GABBR1: variants seen among roughly 807,000 people sequenced by gnomAD.
GABBR1 encodes gamma-aminobutyric acid type B receptor subunit 1, also known as GABA-B receptor, R1 subunit.
In GABBR1, 35 loss-of-function variants were observed where a neutral mutation model predicts 117.7. The ratio of observed to expected loss-of-function variants is 0.30; its 90% CI spans 0.23 to 0.39. The LOEUF (loss-of-function observed/expected upper bound fraction) is 0.39, where lower values mean the gene tolerates loss of function less well. GABBR1 is among the 10% of genes least tolerant of loss of function. GABBR1 has a pLI of 1.00. For missense variants in GABBR1, 709 were observed against 1,241.8 expected, an observed-to-expected ratio of 0.57 and a Z score of 6.45; for synonymous variants, 442 against 486.6, an observed-to-expected ratio of 0.91 and a Z score of 1.21.
chr6:29,616,463 A>T (rs1763119151), intron 11 of GABBR1, among the ~76,000 whole-genome samples: 1 of 151,888 alleles, frequency 6.6e-6, no homozygotes, highest in South Asian at 2.1e-4. Context: ...AGGAGGGTGA[A>T]TCATGAGGTT....
In GABBR1 at chr6:29,609,811, T is replaced by C. The variant is rs1762352159; in HGVS notation, c.1709-432A>G. On this transcript the variant is annotated intron_variant, in intron 14 of 22. Transcript: ENST00000377034. The surrounding 1 kb of genome is among the most constrained non-coding windows in gnomAD (Gnocchi z 4.3). ...AATGACAATTATGGAATCATAAAGC[T>C]AAAAAGGCCTTGAAGTATCTAGTGT... is the stretch of plus-strand genomic sequence containing the variant. 6.6e-6 allele frequency among the ~76,000 whole-genome samples: 1 copy of C among 151,658 alleles called. No individual in the cohort carries two copies. Among genetic ancestry groups the C allele is most frequent in the African/African-American group, 2.4e-5 (1 of 41,238 alleles).
In GABBR1 at chr6:29,613,168, T is replaced by C; in HGVS notation, c.1566+75A>G. On this transcript the variant is annotated intron_variant, in intron 12 of 22. Coordinates refer to ENST00000377034, the MANE Select transcript of GABBR1 (RefSeq NM_001470.4). The surrounding 1 kb of genome is among the most constrained non-coding windows in gnomAD (Gnocchi z 4.1). ...AACTGAGAAAAACAGAGAATGCATG[T>C]TTGTAGAAGGTGCCTCTTGGGAGTC... is the stretch of plus-strand genomic sequence containing the variant. 1 of 1,480,986 alleles carries C rather than the reference T, an allele frequency of 6.8e-7. No homozygotes were observed. Among genetic ancestry groups the C allele is most frequent in the Non-Finnish European group, 9.3e-7 (1 of 1,071,580 alleles). 91.7% of individuals were successfully genotyped at this position (1,480,986 alleles called of 1,614,324 possible).
chr6:29,607,326 A>G lies in GABBR1; in HGVS notation c.1993-108T>C. 1.2e-6 allele frequency: 1 copy of G among 857,680 alleles called. No homozygotes were observed. The highest frequency in any genetic ancestry group is 1.7e-5 in the African/African-American group (1 of 60,302). 53.1% of individuals were successfully genotyped at this position (857,680 alleles called of 1,614,324 possible). ...GAGTGGGCAGGGAGCACGGGCAGGG[A>G]GCTCATGGTGGCACAGGGAGGATGC... On this transcript the variant is annotated intron_variant, in intron 16 of 22. Transcript: ENST00000377034. This position sits in a 1 kb window ranked among gnomAD's most constrained non-coding sequence, Gnocchi z 5.0.
In GABBR1 at chr6:29,632,550, G is replaced by T. The variant is rs531799963; in HGVS notation, c.1-165C>A. The T allele has an allele frequency of 1.9e-5, 17 of 897,362 alleles. No homozygotes were observed. Among genetic ancestry groups the T allele is most frequent in the Admixed American group, 3.9e-5 (1 of 25,476 alleles). 55.6% of individuals were successfully genotyped at this position (897,362 alleles called of 1,614,324 possible). A position where few individuals can be genotyped will look rare whatever the true frequency, so the allele number is the denominator to read the frequency against. On this transcript the variant is annotated intron_variant, in intron 1 of 22. Transcript: ENST00000377034. This position sits in a 1 kb window ranked among gnomAD's most constrained non-coding sequence, Gnocchi z 5.8. ...AGGCGGGGGCGGAGCCCCGCGCGGG[G>T]TGGGGGGAGAGGAGGAGAGAAAGCC...
Position 29,623,414 on chromosome 6 carries a change from C to A in GABBR1, c.854G>T (p.Arg285Leu). ...GTGGAGTGTGGCTGATGGGTGCGTTCGGAAGAAAGTGGGGAAACGCTGCCG... is the reference window on the plus strand; with the variant it reads ...GTGGAGTGTGGCTGATGGGTGCGTTAGGAAGAAAGTGGGGAAACGCTGCCG... ...SNRQRFPTFF[R>L]THPSATLHNP... The change falls in exon 8 of 23, where the codon CGA (arginine) becomes CTA (leucine). Residue 285 changes from arginine to leucine, a missense_variant. Physicochemically the swap from Arg to Leu is moderately radical, Grantham distance 102. Transcript: ENST00000377034. The surrounding 1 kb of genome is among the most constrained non-coding windows in gnomAD (Gnocchi z 6.2). 6.2e-7 allele frequency: 1 copy of A among 1,614,008 alleles called. No individual in the cohort carries two copies. Among genetic ancestry groups the A allele is most frequent in the Non-Finnish European group, 8.5e-7 (1 of 1,180,004 alleles).
Position 29,608,654 on chromosome 6 carries a change from G to A in GABBR1, c.1939C>T (p.Leu647=), listed in dbSNP as rs772853503. The stretch of plus-strand genomic sequence containing the variant: ...CCAATGTGGTAACCATCGAGCCCCA[G>A]GGGGAAGACAGCAGCTAAAGCCAGT... ...CSLALAAVFP[L]GLDGYHIGRN... Residue 647 remains leucine, a synonymous_variant, in exon 16 of 23, where the codon CTG becomes TTG. Transcript: ENST00000377034. The A allele has an allele frequency of 2.9e-5, 46 of 1,612,948 alleles. 1 individual carries two copies. In the Middle Eastern group the frequency reaches 9.9e-4, roughly 35 times the overall value.
intron 12 of GABBR1, among the ~76,000 whole-genome samples, chr6:29,612,920 T>C (rs547479070): frequency 1.1e-3 from 175 of 152,322 alleles, no homozygotes; most frequent in Non-Finnish European, 2.4e-3. Flanking sequence ...AAACTAATCT[T>C]TTCATTTTAA....
intron 5 of GABBR1, among the ~76,000 whole-genome samples, chr6:29,628,426 C>A (rs538643762): frequency 4.1e-3 from 626 of 151,732 alleles, no homozygotes; most frequent in African/African-American, 0.012. Context: ...GAGTATGAGT[C>A]GATACAGTGA....
rs533318847 is a variant in GABBR1 at position 29,609,360 on chromosome 6, G to A, written c.1728C>T (p.Asp576=). 2.1e-5 allele frequency: 34 copies of A among 1,613,014 alleles called. 1 individual carries two copies. The East Asian group carries it at 6.9e-4, about 33-fold the overall frequency. Residue 576 remains aspartate, a synonymous_variant, in exon 15 of 23, where the codon GAC becomes GAT. Coordinates refer to ENST00000377034, the MANE Select transcript of GABBR1 (RefSeq NM_001470.4). The surrounding 1 kb of genome is among the most constrained non-coding windows in gnomAD (Gnocchi z 4.3). ...GGAATGTCTTGATGACCAGGGTCTG[G>A]TCAGCTGGGGGGGACCCTCCTGCAT... ...DKWIGGSPPA[D]QTLVIKTFRF... is the part of the protein sequence containing the mutation.
In GABBR1 at chr6:29,611,960, C is replaced by T. The variant is rs1762583671; in HGVS notation, c.1630+591G>A. On this transcript the variant is annotated intron_variant, in intron 13 of 22. Transcript: ENST00000377034. This position sits in a 1 kb window ranked among gnomAD's most constrained non-coding sequence, Gnocchi z 4.6. ...GGAAATTCCTGAAATTAATGGAAGCCACTGGGAAAGAGAGTAGCTGTTTTT... is the reference window on the plus strand; with the variant it reads ...GGAAATTCCTGAAATTAATGGAAGCTACTGGGAAAGAGAGTAGCTGTTTTT... Among the ~76,000 whole-genome samples the T allele has an allele frequency of 6.6e-6, 1 of 152,094 alleles. No homozygotes were observed. Among genetic ancestry groups the T allele is most frequent in the South Asian group, 2.1e-4 (1 of 4,820 alleles).
At position 29,606,900 on chromosome 6, in the gene GABBR1, A is replaced by C; in HGVS notation, c.2214T>G (p.Ile738Met). Residue 738 changes from isoleucine to methionine, a missense_variant, in exon 18 of 23, where the codon ATT becomes ATG. Coordinates refer to ENST00000377034, the MANE Select transcript of GABBR1 (RefSeq NM_001470.4). The surrounding 1 kb of genome is among the most constrained non-coding windows in gnomAD (Gnocchi z 4.5). ...WQIVDPLHRT[I>M]ETFAKEEPKE... ...AGCACCTCCTCTCCAGTGGTACCTC[A>C]ATGGTCCGGTGCAGAGGGTCCACGA... The C allele has an allele frequency of 6.2e-7, 1 of 1,613,446 alleles. No homozygotes were observed. Among genetic ancestry groups the C allele is most frequent in the Non-Finnish European group, 8.5e-7 (1 of 1,179,326 alleles).
Position 29,611,263 on chromosome 6 carries a change from T to C in GABBR1, c.1631-262A>G. 2.5e-6 allele frequency: 1 copy of C among 406,552 alleles called. No homozygotes were observed. The highest frequency in any genetic ancestry group is 4.4e-6 in the Non-Finnish European group (1 of 227,796). 25.2% of individuals were successfully genotyped at this position (406,552 alleles called of 1,614,324 possible). A position where few individuals can be genotyped will look rare whatever the true frequency, so the allele number is the denominator to read the frequency against. ...TCTTCAGTGAGGAGGCTCCACAACA[T>C]GTCTGCCACCTATTCCATTCCTCAC... On this transcript the variant is annotated intron_variant, in intron 13 of 22. Coordinates refer to ENST00000377034, the MANE Select transcript of GABBR1 (RefSeq NM_001470.4). This position sits in a 1 kb window ranked among gnomAD's most constrained non-coding sequence, Gnocchi z 4.6.
chr6:29,618,513 C>T (rs1763406051), intron 11 of GABBR1, among the ~76,000 whole-genome samples: 1 of 152,234 alleles, frequency 6.6e-6, no homozygotes, highest in South Asian at 2.1e-4. Flanking sequence ...ATTTTTTTAA[C>T]AGCCTTGTCT....
In GABBR1 at chr6:29,609,041, C is replaced by T. The variant is rs1004174512; in HGVS notation, c.1859+188G>A. ...TTTCTCTTCTTTTCTTTTTTCCTCC[C>T]GTTAGCTACTTTGGAGTAGGAGTGG... On this transcript the variant is annotated intron_variant, in intron 15 of 22. Transcript: ENST00000377034. The surrounding 1 kb of genome is among the most constrained non-coding windows in gnomAD (Gnocchi z 4.3). Among the ~76,000 whole-genome samples the T allele has an allele frequency of 6.6e-6, 1 of 152,074 alleles. No individual in the cohort carries two copies. The highest frequency in any genetic ancestry group is 2.1e-4 in the South Asian group (1 of 4,828).
Position 29,621,815 on chromosome 6 carries a change from G to A in GABBR1, c.1068C>T (p.Arg356=). Residue 356 remains arginine (R), a splice_region_variant and synonymous_variant, in exon 10 of 23, where the codon CGC becomes CGT. Transcript: ENST00000377034. This position sits in a 1 kb window ranked among gnomAD's most constrained non-coding sequence, Gnocchi z 5.0. ...DPAVPVKNLK[R]QDARIIVGLF... ...GTCCCACGATGATTCGGGCATCCTG[G>A]CGCTACAACAGAGAAAGAAACAGCT... The A allele has an allele frequency of 1.2e-6, 2 of 1,614,162 alleles. No individual in the cohort carries two copies. Among genetic ancestry groups the A allele is most frequent in the Non-Finnish European group, 1.7e-6 (2 of 1,180,032 alleles).
Position 29,628,014 on chromosome 6 carries a change from G to A in GABBR1, c.497-368C>T, listed in dbSNP as rs1029342999. On this transcript the variant is annotated intron_variant, in intron 5 of 22. Coordinates refer to ENST00000377034, the MANE Select transcript of GABBR1 (RefSeq NM_001470.4). ...CGCGGACTCTCCTCGCGGACTGACT[G>A]ACCGACGGAGGGGAGGAGGAGGAGC... 92 of 1,290,790 alleles carry A rather than the reference G, an allele frequency of 7.1e-5. No homozygotes were observed. The African/African-American group carries it at 1.4e-3, about 19-fold the overall frequency. The allele number at this position is 1,290,790 out of a possible 1,614,324, so 80.0% of individuals were successfully genotyped here.
At position 29,603,610 on chromosome 6, in the gene GABBR1, C is replaced by G; in HGVS notation, c.2819G>C (p.Arg940Thr). 1 of 1,574,706 alleles carries G rather than the reference C, an allele frequency of 6.4e-7. No homozygotes were observed. Among genetic ancestry groups the G allele is most frequent in the South Asian group, 1.2e-5 (1 of 84,182 alleles). ...TPPEPSGGLP[R>T]GPPEPPDRLS... ...CCGGTCGGGGGGCTCAGGGGGTCCC[C>G]TGGGCAGGCCCCCAGAGGGTTCTGG... The change falls in exon 23 of 23, where the codon AGG (arginine) becomes ACG (threonine). Residue 940 changes from arginine (R) to threonine (T), a missense_variant. Coordinates refer to ENST00000377034, the MANE Select transcript of GABBR1 (RefSeq NM_001470.4).
At position 29,623,534 on chromosome 6, in the gene GABBR1, C is replaced by A; in HGVS notation, c.793-59G>T. 1.3e-6 allele frequency: 2 copies of A among 1,536,230 alleles called. No individual in the cohort carries two copies. Among genetic ancestry groups the A allele is most frequent in the Non-Finnish European group, 1.8e-6 (2 of 1,120,342 alleles). The stretch of plus-strand genomic sequence containing the variant: ...TGTTCACTGAGGACACCAAGAGTGG[C>A]CAAGAGTTCCTTTAACCCTCTTCCT... On this transcript the variant is annotated intron_variant, in intron 7 of 22. Transcript: ENST00000377034. This position sits in a 1 kb window ranked among gnomAD's most constrained non-coding sequence, Gnocchi z 6.2.
At position 29,621,880 on chromosome 6, in the gene GABBR1, A is replaced by G; in HGVS notation, c.1066-63T>C. ...GGGAATGCCTGAGGGGCTAAGCCAG[A>G]TGTCTTCACAGCTTTGATTTCCCAT... is the stretch of plus-strand genomic sequence containing the variant. On this transcript the variant is annotated intron_variant, in intron 9 of 22. Transcript: ENST00000377034. The surrounding 1 kb of genome is among the most constrained non-coding windows in gnomAD (Gnocchi z 5.0). The G allele has an allele frequency of 6.5e-7, 1 of 1,528,110 alleles. No individual in the cohort carries two copies. Among genetic ancestry groups the G allele is most frequent in the Non-Finnish European group, 9.1e-7 (1 of 1,102,936 alleles). 94.7% of individuals were successfully genotyped at this position (1,528,110 alleles called of 1,614,324 possible).
Sources: gnomAD v4.1 joint callset for allele counts (sites outside exome capture counted in the v4.1 genomes callset) on GRCh38, gnomAD v4.1.1 for gene constraint, Gnocchi (gnomAD v3.1) non-coding constraint, MANE v1.5 for transcripts, NCBI Gene and HGNC (gene_info 2026-07-23, HGNC 2026-07-21) for gene names.